GRID2: variants seen among roughly 807,000 people sequenced by gnomAD.
GRID2 encodes the protein glutamate ionotropic receptor delta type subunit 2, also known as glutamate receptor ionotropic, delta-2.
Under a neutral mutation model 114.8 loss-of-function variants are expected in GRID2, and 33 were observed. That is an observed-to-expected ratio of 0.29 (90% CI 0.22 to 0.38). The LOEUF (loss-of-function observed/expected upper bound fraction) is 0.38. Among genes scored for constraint, GRID2 ranks in the 10% least tolerant of loss-of-function variants. GRID2 has a pLI of 1.00. For synonymous variants in GRID2, 505 were observed against 449.9 expected (o/e 1.12, Z -1.55); for missense variants, 1,184 against 1,257.7 (o/e 0.94, Z 0.89).
At chr4:93,300,890 A>G (rs1754802289) in intron 8 of GRID2, among the ~76,000 whole-genome samples, 1 of 152,196 alleles carries the variant, frequency 6.6e-6, no homozygotes, top group African/African-American at 2.4e-5. Flanking sequence ...ACCGGTGGTC[A>G]GAGAGAAACA....
intron 1 of GRID2, among the ~76,000 whole-genome samples, chr4:92,539,205 A>T (rs914945300): frequency 3.9e-5 from 6 of 152,272 alleles, no homozygotes; most frequent in African/African-American, 1.4e-4. Flanking sequence ...ACATAACACA[A>T]TATACGATTT....
intron 2 of GRID2, among the ~76,000 whole-genome samples, chr4:92,773,458 A>G (rs1738631578): frequency 1.3e-5 from 2 of 152,186 alleles, no homozygotes; most frequent in African/African-American, 4.8e-5. Context: ...AAACAGCTCT[A>G]TAAACAAACA....
chr4:93,175,355 C>G (rs1395156659), intron 4 of GRID2, among the ~76,000 whole-genome samples: 1 of 151,886 alleles, frequency 6.6e-6, no homozygotes, highest in East Asian at 1.9e-4. Context: ...ATTTTTAGTA[C>G]AGACGAGGTT....
chr4:92,935,612 A>T (rs1215485974), intron 2 of GRID2, among the ~76,000 whole-genome samples: 1 of 146,984 alleles, frequency 6.8e-6, no homozygotes, highest in African/African-American at 2.4e-5. Context: ...ACTATTCACA[A>T]CAGCAAAGAC....
chr4:92,314,357 G>A (rs955809525), intron 1 of GRID2, among the ~76,000 whole-genome samples: 16 of 152,046 alleles, frequency 1.1e-4, no homozygotes, highest in South Asian at 2.1e-4. Context: ...TATTCTGTTA[G>A]TGGTATTAAA....
intron 14 of GRID2, among the ~76,000 whole-genome samples, chr4:93,745,973 A>T (rs934392335): frequency 2.0e-5 from 3 of 152,118 alleles, no homozygotes; most frequent in African/African-American, 7.2e-5. Flanking sequence ...TGATTGTCTG[A>T]TTCTGTGAGC....
At chr4:93,146,973 A>G (rs1341655389) in intron 4 of GRID2, among the ~76,000 whole-genome samples, 9 of 152,150 alleles carry the variant, frequency 5.9e-5, no homozygotes, top group Non-Finnish European at 1.5e-5. Context: ...AAGAAGGGAA[A>G]CTTGTTTTTG....
intron 12 of GRID2, among the ~76,000 whole-genome samples, chr4:93,511,157 AAT>A (rs1729130258): frequency 6.6e-6 from 1 of 151,912 alleles, no homozygotes; most frequent in African/African-American, 2.4e-5. Context: ...GGCTGGTCTC[AAT>A]ATCCTGACCT....
chr4:92,918,243 T>G (rs900405445), intron 2 of GRID2, among the ~76,000 whole-genome samples: 1 of 152,072 alleles, frequency 6.6e-6, no homozygotes, highest in Non-Finnish European at 1.5e-5. Flanking sequence ...AGCTTAAGGA[T>G]ATATTGGGCT....
intron 1 of GRID2, among the ~76,000 whole-genome samples, chr4:92,336,260 T>A (rs954882182): frequency 6.6e-6 from 1 of 152,188 alleles, no homozygotes; most frequent in African/African-American, 2.4e-5. Context: ...CAAAGCTTCA[T>A]TATGATGTCT....
At chr4:93,545,454 C>A (rs1398206907) in intron 13 of GRID2, among the ~76,000 whole-genome samples, 1 of 152,032 alleles carries the variant, frequency 6.6e-6, no homozygotes, top group East Asian at 1.9e-4. Context: ...CAGGAAGAGG[C>A]CAGTGTTGCT....
At chr4:93,442,909 T>A (rs1352114072) in intron 10 of GRID2, among the ~76,000 whole-genome samples, 2 of 152,054 alleles carry the variant, frequency 1.3e-5, no homozygotes, top group African/African-American at 4.8e-5. Flanking sequence ...TTGTAGTGTA[T>A]GGCAACTCCA....
At chr4:93,720,725 G>A (rs1168534901) in intron 14 of GRID2, among the ~76,000 whole-genome samples, 2 of 152,034 alleles carry the variant, frequency 1.3e-5, no homozygotes, top group East Asian at 1.9e-4. Context: ...AAGTCAAAAG[G>A]GCAAAAGGAG....
At chr4:92,898,898 T>C (rs961307573) in intron 2 of GRID2, among the ~76,000 whole-genome samples, 3 of 152,148 alleles carry the variant, frequency 2.0e-5, no homozygotes, top group Non-Finnish European at 4.4e-5. Context: ...AGAAGAAACA[T>C]GTTAAAAAAT....
intron 13 of GRID2, among the ~76,000 whole-genome samples, chr4:93,578,962 C>G (rs928995783): frequency 6.6e-6 from 1 of 152,134 alleles, no homozygotes; most frequent in South Asian, 2.1e-4. Context: ...TCTGTATACT[C>G]ATTGATTTCC....
At chr4:92,662,311 C>A (rs1406382772) in intron 2 of GRID2, among the ~76,000 whole-genome samples, 3 of 150,928 alleles carry the variant, frequency 2.0e-5, no homozygotes, top group African/African-American at 4.8e-5. Flanking sequence ...TTTACTGCGT[C>A]ATAATTTTAT....
At chr4:93,547,938 A>G (rs1434209026) in intron 13 of GRID2, among the ~76,000 whole-genome samples, 1 of 152,124 alleles carries the variant, frequency 6.6e-6, no homozygotes, top group Non-Finnish European at 1.5e-5. Flanking sequence ...GCACTTTGGG[A>G]GCCCGAGGTG....
chr4:92,830,810 C>G (rs1016472814), intron 2 of GRID2, among the ~76,000 whole-genome samples: 7 of 152,128 alleles, frequency 4.6e-5, no homozygotes, highest in Non-Finnish European at 8.8e-5. Context: ...GTCTTCATCA[C>G]TTTAAGAGGA....
chr4:93,220,332 A>T (rs1161223839), intron 6 of GRID2, among the ~76,000 whole-genome samples: 1 of 152,018 alleles, frequency 6.6e-6, no homozygotes, highest in Admixed American at 6.6e-5. Flanking sequence ...TTTTTACCTG[A>T]AATCCTTAGG....
Sources: allele counts gnomAD v4.1 joint callset (sites outside exome capture counted in the v4.1 genomes callset), GRCh38; gene constraint gnomAD v4.1.1; transcripts MANE v1.5; gene names NCBI Gene and HGNC (gene_info 2026-07-23, HGNC 2026-07-21).